SLIT3: variants seen among roughly 807,000 people sequenced by gnomAD.
SLIT3 encodes slit guidance ligand 3.
A neutral mutation model predicts 184.0 loss-of-function variants in SLIT3; 68 were observed. The observed-to-expected ratio is 0.37, with a 90% CI of 0.30 to 0.45. The LOEUF is 0.45. SLIT3 is among the 20% of genes least tolerant of loss of function. The pLI, the probability that SLIT3 is intolerant of heterozygous loss-of-function variation, is 1.00. For synonymous variants in SLIT3, 831 were observed against 828.6 expected (o/e 1.00, Z -0.05); for missense variants, 1,707 against 2,026.0 (o/e 0.84, Z 3.02).
chr5:169,150,490 T>TCCCAA (rs370935843), intron 4 of SLIT3, among the ~76,000 whole-genome samples: 1 of 144,014 alleles, frequency 6.9e-6, no homozygotes, highest in East Asian at 2.4e-4. Context: ...AGGAACAATT[T>TCCCAA]CCCATCCCAT....
At chr5:169,265,179 A>ACAAACAAG (rs1766351082) in intron 1 of SLIT3, among the ~76,000 whole-genome samples, 2 of 151,936 alleles carry the variant, frequency 1.3e-5, no homozygotes, top group African/African-American at 4.8e-5. Context: ...AAACAAACAA[A>ACAAACAAG]CAAAACGTAC....
chr5:169,094,166 T>C (rs1363150617), intron 4 of SLIT3, among the ~76,000 whole-genome samples: 3 of 152,238 alleles, frequency 2.0e-5, no homozygotes, highest in Non-Finnish European at 4.4e-5. Context: ...ATCTGCACCC[T>C]GTATTCTTTT....
intron 5 of SLIT3, among the ~76,000 whole-genome samples, chr5:168,878,860 G>T (rs979443666): frequency 6.6e-6 from 1 of 151,898 alleles, no homozygotes; most frequent in African/African-American, 2.4e-5. Flanking sequence ...GATTATAAGT[G>T]CCTGCCACCA....
At chr5:168,815,346 G>T (rs1351474392) in intron 8 of SLIT3, among the ~76,000 whole-genome samples, 1 of 152,172 alleles carries the variant, frequency 6.6e-6, no homozygotes, top group Non-Finnish European at 1.5e-5. Flanking sequence ...TGACAGGAAG[G>T]TGCTCTCTGA....
intron 3 of SLIT3, among the ~76,000 whole-genome samples, chr5:169,217,951 G>C (rs1764500487): frequency 6.6e-6 from 1 of 152,230 alleles, no homozygotes; most frequent in African/African-American, 2.4e-5. Flanking sequence ...AGGTTGCACA[G>C]AAAGCAAGAC....
At chr5:169,246,124 T>TGTACTC (rs1214051233) in intron 2 of SLIT3, among the ~76,000 whole-genome samples, 1 of 152,208 alleles carries the variant, frequency 6.6e-6, no homozygotes, top group Non-Finnish European at 1.5e-5. Flanking sequence ...ATATTTCACA[T>TGTACTC]GTACTCACAC....
rs562727103 is a variant in SLIT3 at position 168,715,776 on chromosome 5, G to A, written c.2484-3422C>T. ...CAACTTTTGCCTCTCCGGTTCAAGC[G>A]ATTCTCCTGCCTCAGCCTCCTGAGT... On this transcript the variant is annotated intron_variant, in intron 23 of 35. Transcript: ENST00000519560. 1.1e-3 allele frequency among the ~76,000 whole-genome samples: 160 copies of A among 152,234 alleles called. No homozygotes were observed. In the Middle Eastern group the frequency reaches 0.02, roughly 19 times the overall value.
rs537865573 is a variant in SLIT3 at position 168,835,344 on chromosome 5, G to A, written c.557+9240C>T. Among the ~76,000 whole-genome samples, 14 of 152,204 alleles carry A rather than the reference G, an allele frequency of 9.2e-5. No individual in the cohort carries two copies. In the East Asian group the frequency reaches 2.5e-3, roughly 27 times the overall value. On this transcript the variant is annotated intron_variant, in intron 6 of 35. Coordinates refer to ENST00000519560, the MANE Select transcript of SLIT3 (RefSeq NM_003062.4). ...CATGGGCCAGCAGTTGGAGTCCTCC[G>A]ATTTAGTTACAAGTTAAAAGAAAAT...
At chr5:169,128,032 G>C (rs887728026) in intron 4 of SLIT3, among the ~76,000 whole-genome samples, 6 of 151,856 alleles carry the variant, frequency 4.0e-5, no homozygotes, top group African/African-American at 1.5e-4. Context: ...ACCATAGAAT[G>C]ATTAGGTGAA....
At chr5:168,899,508 T>C (rs1350530327) in intron 4 of SLIT3, among the ~76,000 whole-genome samples, 1 of 151,994 alleles carries the variant, frequency 6.6e-6, no homozygotes, top group Non-Finnish European at 1.5e-5. Context: ...AGCGAGATCC[T>C]GCCTCTTAAA....
intron 4 of SLIT3, among the ~76,000 whole-genome samples, chr5:169,176,702 C>T (rs1384893189): frequency 1.3e-5 from 2 of 152,150 alleles, no homozygotes; most frequent in Admixed American, 6.5e-5. Flanking sequence ...CCTGTAGCAC[C>T]AAAGGGGCCA....
chr5:168,880,021 C>T (rs1241629572), intron 5 of SLIT3, among the ~76,000 whole-genome samples: 2 of 152,182 alleles, frequency 1.3e-5, no homozygotes, highest in Non-Finnish European at 2.9e-5. Context: ...TCGTTTTTCA[C>T]TTCCTTTTCC....
chr5:169,230,240 A>G (rs1412300328), intron 3 of SLIT3, among the ~76,000 whole-genome samples: 1 of 152,236 alleles, frequency 6.6e-6, no homozygotes, highest in Non-Finnish European at 1.5e-5. Context: ...CGCAGCTGCT[A>G]AGAAAGTTGC....
chr5:168,724,410 C>G lies in SLIT3; in HGVS notation c.2339+6G>C. ...TAAACATCCCACCCAATACTGGGCTCCTTACATAAGCGTCAGGTGTCGGAG... is the reference window on the plus strand; with the variant it reads ...TAAACATCCCACCCAATACTGGGCTGCTTACATAAGCGTCAGGTGTCGGAG... On this transcript the variant is annotated splice_donor_region_variant and intron_variant, in intron 21 of 35. Coordinates refer to ENST00000519560, the MANE Select transcript of SLIT3 (RefSeq NM_003062.4). 1 of 1,611,776 alleles carries G rather than the reference C, an allele frequency of 6.2e-7. No homozygotes were observed. The highest frequency in any genetic ancestry group is 8.5e-7 in the Non-Finnish European group (1 of 1,178,484).
chr5:169,291,391 T>C (rs1037973222), intron 1 of SLIT3, among the ~76,000 whole-genome samples: 2 of 152,226 alleles, frequency 1.3e-5, no homozygotes, highest in Non-Finnish European at 2.9e-5. Context: ...ACACATACCA[T>C]GGAGATATTT....
intron 4 of SLIT3, among the ~76,000 whole-genome samples, chr5:168,975,986 A>C (rs1754743427): frequency 6.6e-6 from 1 of 152,122 alleles, no homozygotes; most frequent in Non-Finnish European, 1.5e-5. Context: ...TTTAAACAAC[A>C]CTAAATCTCT....
intron 3 of SLIT3, among the ~76,000 whole-genome samples, chr5:169,199,364 G>A (rs180872906): frequency 6.6e-6 from 1 of 152,100 alleles, no homozygotes; most frequent in Non-Finnish European, 1.5e-5. Flanking sequence ...ACAGGAGTGC[G>A]GGTATGAAAA....
At chr5:168,776,081 C>T (rs1015216219) in intron 12 of SLIT3, among the ~76,000 whole-genome samples, 2 of 152,166 alleles carry the variant, frequency 1.3e-5, no homozygotes, top group African/African-American at 4.8e-5. Flanking sequence ...CTGGTTCAGC[C>T]CCTCCCTGGT....
chr5:168,850,456 T>C (rs1758628743), intron 5 of SLIT3, among the ~76,000 whole-genome samples: 1 of 152,256 alleles, frequency 6.6e-6, no homozygotes, highest in South Asian at 2.1e-4. Flanking sequence ...TGTAATATTG[T>C]GTCCATGTAA....
Sources: gnomAD v4.1 joint callset for allele counts (sites outside exome capture counted in the v4.1 genomes callset) on GRCh38, gnomAD v4.1.1 for gene constraint, MANE v1.5 for transcripts, NCBI Gene and HGNC (gene_info 2026-07-23, HGNC 2026-07-21) for gene names.